The following CGNL1 variants were observed in gnomAD, a reference collection of about 807,000 sequenced individuals.
CGNL1 encodes cingulin like 1, also known as cingulin-like protein 1.
Under a neutral mutation model 141.2 loss-of-function variants are expected in CGNL1, and 132 were observed. The observed-to-expected ratio is 0.93, with a 90% CI of 0.81 to 1.08. The LOEUF is 1.08. Ranked by LOEUF, CGNL1 falls within the 50% of genes least tolerant of loss-of-function variation. The pLI is 0.00. For synonymous variants in CGNL1, 690 were observed against 622.1 expected, an observed-to-expected ratio of 1.11 and a Z score of -1.63; for missense variants, 1,870 against 1,588.6, an observed-to-expected ratio of 1.18 and a Z score of -3.01.
chr15:57,507,639 T>C (rs1021982806), intron 8 of CGNL1, among the ~76,000 whole-genome samples: 1 of 152,254 alleles, frequency 6.6e-6, no homozygotes, highest in African/African-American at 2.4e-5. Flanking sequence ...GCAAGGTATA[T>C]GTAAACTCTA....
chr15:57,514,144 C>T (rs1162523361), intron 8 of CGNL1, among the ~76,000 whole-genome samples: 1 of 137,164 alleles, frequency 7.3e-6, no homozygotes, highest in African/African-American at 2.6e-5. Flanking sequence ...CGGATCCTTT[C>T]CCCATTGTTT....
chr15:57,539,793 C>T lies in CGNL1; in HGVS notation c.3292-3903C>T, dbSNP rs548041872. 2.6e-5 allele frequency among the ~76,000 whole-genome samples: 4 copies of T among 152,296 alleles called. No individual in the cohort carries two copies. The South Asian group carries it at 8.3e-4, about 32-fold the overall frequency. On this transcript the variant is annotated intron_variant, in intron 14 of 18. Coordinates refer to ENST00000281282, the MANE Select transcript of CGNL1 (RefSeq NM_032866.5). ...TCCCCAGGGCACAGCTGCAGATCCTCCTTATTCTTTATATATTGCTCCTTG... is the reference window on the plus strand; with the variant it reads ...TCCCCAGGGCACAGCTGCAGATCCTTCTTATTCTTTATATATTGCTCCTTG...
At chr15:57,397,174 T>C (rs1664446) in intron 1 of CGNL1, 65,124 of 152,096 alleles carry the variant, frequency 0.43, 14,125 homozygotes, top group East Asian at 0.66. Context: ...ATCAGAAGCC[T>C]GTGTAGCCAC....
Position 57,518,447 on chromosome 15 carries a change from G to T in CGNL1, c.2665G>T (p.Glu889Ter). 1 of 1,613,160 alleles carries T rather than the reference G, an allele frequency of 6.2e-7. No individual in the cohort carries two copies. Among genetic ancestry groups the T allele is most frequent in the Non-Finnish European group, 8.5e-7 (1 of 1,179,642 alleles). ...TGTGCACGCCAGAAAGGAAGAAAAA[G>T]AAGCTGTGTCAGCCAGAAGGGCCCT... ...ALVHARKEEK[E>*]AVSARRALEN... Residue 889 changes from glutamate (E) to a stop codon, truncating the protein, a stop_gained, in exon 10 of 19, where the codon GAA becomes TAA. Coordinates refer to ENST00000281282, the MANE Select transcript of CGNL1 (RefSeq NM_032866.5). LOFTEE classifies it high-confidence loss of function.
chr15:57,397,093 G>C (rs1275612508), intron 1 of CGNL1: 1 of 152,198 alleles, frequency 6.6e-6, no homozygotes, highest in Non-Finnish European at 1.5e-5. Flanking sequence ...CTGGGATATG[G>C]CTTCTTCGGG....
chr15:57,534,619 C>T (rs2032148985), intron 14 of CGNL1, among the ~76,000 whole-genome samples: 1 of 152,230 alleles, frequency 6.6e-6, no homozygotes, highest in Non-Finnish European at 1.5e-5. Context: ...GGCCGTGTGC[C>T]TGTGCTTTCC....
chr15:57,481,065 T>G (rs1286565320), intron 8 of CGNL1, among the ~76,000 whole-genome samples: 2 of 43,870 alleles, frequency 4.6e-5, no homozygotes, highest in Non-Finnish European at 8.2e-5. Context: ...AGACCTGGGG[T>G]TTTTTTTTTT....
At chr15:57,416,966 C>T (rs540914686) in intron 1 of CGNL1, among the ~76,000 whole-genome samples, 1 of 152,220 alleles carries the variant, frequency 6.6e-6, no homozygotes, top group African/African-American at 2.4e-5. Flanking sequence ...GGTCTTTGGA[C>T]TCAGACAGGC....
intron 7 of CGNL1, among the ~76,000 whole-genome samples, chr15:57,457,667 G>C (rs913219211): frequency 2.0e-5 from 3 of 152,184 alleles, no homozygotes; most frequent in African/African-American, 7.2e-5. Context: ...AACAAGAGGC[G>C]TGAGAGCCAA....
intron 15 of CGNL1, 38 bp downstream of exon 15, chr15:57,543,817 T>G: frequency 6.7e-7 from 1 of 1,495,640 alleles, no homozygotes; most frequent in African/African-American, 1.4e-5. Context: ...CCCCCGTCCA[T>G]CCGCTAACCC....
intron 14 of CGNL1, among the ~76,000 whole-genome samples, chr15:57,539,715 G>A (rs559475458): frequency 6.6e-6 from 1 of 152,322 alleles, no homozygotes; most frequent in Admixed American, 6.5e-5. Flanking sequence ...CTTGCCTTTT[G>A]GGATAGATCC....
At chr15:57,379,986 C>T (rs1194985156) in intron 1 of CGNL1, among the ~76,000 whole-genome samples, 3 of 152,150 alleles carry the variant, frequency 2.0e-5, no homozygotes, top group Non-Finnish European at 4.4e-5. Flanking sequence ...ATCCCTCAAG[C>T]CAATATCCTT....
chr15:57,482,406 G>A (rs1388963151), intron 8 of CGNL1, among the ~76,000 whole-genome samples: 1 of 152,114 alleles, frequency 6.6e-6, no homozygotes, highest in Non-Finnish European at 1.5e-5. Flanking sequence ...GTTTTCTAAA[G>A]GTTTCTTAGT....
rs1398469721 is a variant in CGNL1 at position 57,430,616 on chromosome 15, G to A, written c.-15-7369G>A. 3.9e-5 allele frequency among the ~76,000 whole-genome samples: 6 copies of A among 152,268 alleles called. No individual in the cohort carries two copies. The South Asian group carries it at 8.3e-4, about 21-fold the overall frequency. On this transcript the variant is annotated intron_variant, in intron 1 of 18. Transcript: ENST00000281282. ...GGACCCATCCACAGGGAAACGAGGC[G>A]GGTAGACTTCCAGGGGGAAGTGGGG...
chr15:57,525,173 G>T (rs2031535833), intron 12 of CGNL1, among the ~76,000 whole-genome samples: 1 of 152,200 alleles, frequency 6.6e-6, no homozygotes, highest in South Asian at 2.1e-4. Flanking sequence ...TGGCATGAGG[G>T]TGGCGGACAA....
At chr15:57,432,471 A>G (rs2152297724) in intron 1 of CGNL1, among the ~76,000 whole-genome samples, 1 of 152,344 alleles carries the variant, frequency 6.6e-6, no homozygotes, top group African/African-American at 2.4e-5. Context: ...AACTAAAGCA[A>G]TTATCATCAT....
intron 4 of CGNL1, among the ~76,000 whole-genome samples, chr15:57,442,889 G>T (rs146364655): frequency 2.0e-5 from 3 of 152,164 alleles, no homozygotes; most frequent in African/African-American, 7.2e-5. Flanking sequence ...AAAGTGCTAG[G>T]ATTACAGGCG....
At chr15:57,517,684 G>C (rs183526499) in intron 9 of CGNL1, among the ~76,000 whole-genome samples, 1 of 152,348 alleles carries the variant, frequency 6.6e-6, no homozygotes, top group African/African-American at 2.4e-5. Context: ...AAGGGCAGAG[G>C]TGGAGTGGGG....
rs1014983802 is a variant in CGNL1, at chr15:57,430,037, T to C, written c.-15-7948T>C. On this transcript the variant is annotated intron_variant, in intron 1 of 18. Transcript: ENST00000281282. ...TGTTGCCCAGGCTGGTCTGAGACTC[T>C]TGGGCTCAAGTGACCCACCTGCCTC... is the stretch of plus-strand genomic sequence containing the variant. Among the ~76,000 whole-genome samples the C allele has an allele frequency of 3.9e-5, 6 of 152,192 alleles. No homozygotes were observed. The East Asian group carries it at 9.6e-4, about 24-fold the overall frequency.
Sources: allele counts gnomAD v4.1 joint callset (sites outside exome capture counted in the v4.1 genomes callset), GRCh38; gene constraint gnomAD v4.1.1; transcripts MANE v1.5; gene names NCBI Gene and HGNC (gene_info 2026-07-23, HGNC 2026-07-21).